The following DCDC2 variants were observed in gnomAD, a reference collection of about 807,000 sequenced individuals.
DCDC2 encodes doublecortin domain-containing protein 2.
Under a neutral mutation model 50.2 loss-of-function variants are expected in DCDC2, and 40 were observed. That is an observed-to-expected ratio of 0.80 (90% confidence interval 0.62 to 1.04). DCDC2 has a LOEUF of 1.04. Among genes scored for constraint, DCDC2 ranks in the 50% least tolerant of loss-of-function variants. DCDC2 has a pLI of 0.00. For missense variants in DCDC2, 570 were observed against 581.9 expected (o/e 0.98, Z 0.21); for synonymous variants, 234 against 210.6 (o/e 1.11, Z -0.96).
chr6:24,373,600 A>G, the DCDC2 span, among the ~76,000 whole-genome samples: 4 of 152,206 alleles, frequency 2.6e-5, no homozygotes, highest in Non-Finnish European at 5.9e-5. Context: ...CATTCAGGAT[A>G]GTGGTGACCC....
chr6:24,377,607 A>T, the DCDC2 span, among the ~76,000 whole-genome samples: 1 of 152,230 alleles, frequency 6.6e-6, no homozygotes, highest in Admixed American at 6.5e-5. Context: ...TTCATCACTT[A>T]AGCTGTATCA....
At chr6:24,371,628 T>A in the DCDC2 span, among the ~76,000 whole-genome samples, 8 of 151,740 alleles carry the variant, frequency 5.3e-5, no homozygotes, top group African/African-American at 1.9e-4. Flanking sequence ...ACAAATGGGA[T>A]CTAATTAAAC....
intron 7 of DCDC2, among the ~76,000 whole-genome samples, chr6:24,223,636 T>C (rs1762163067): frequency 6.6e-6 from 1 of 152,198 alleles, no homozygotes; most frequent in Non-Finnish European, 1.5e-5. Flanking sequence ...AAACAATCCA[T>C]GTAAATTTTT....
At chr6:24,254,058 C>A (rs776986771) in intron 7 of DCDC2, among the ~76,000 whole-genome samples, 16 of 152,156 alleles carry the variant, frequency 1.1e-4, no homozygotes, top group African/African-American at 3.9e-4. Context: ...AATTTTTAAA[C>A]CTTTTCGTTA....
At position 24,180,152 on chromosome 6, in the gene DCDC2, A is replaced by C. The variant is rs1187094047; in HGVS notation, c.1024-1520T>G. Among the ~76,000 whole-genome samples the C allele has an allele frequency of 2.0e-5, 3 of 152,162 alleles. No homozygotes were observed. In the South Asian group the frequency reaches 6.2e-4, roughly 32 times the overall value. ...CATGAAGATTAAAGAAAAGTTATATAAAGTGTCATAGTTTCTGGCACATCA... is the reference window on the plus strand; with the variant it reads ...CATGAAGATTAAAGAAAAGTTATATCAAGTGTCATAGTTTCTGGCACATCA... On this transcript the variant is annotated intron_variant, in intron 8 of 9. Transcript: ENST00000378454.
At chr6:24,199,448 C>G (rs1431741510) in intron 8 of DCDC2, among the ~76,000 whole-genome samples, 1 of 152,180 alleles carries the variant, frequency 6.6e-6, no homozygotes, top group African/African-American at 2.4e-5. Context: ...AACTAACAAA[C>G]AGAAAGGAAT....
At chr6:24,324,139 C>T (rs909201115) in intron 2 of DCDC2, among the ~76,000 whole-genome samples, 2 of 151,380 alleles carry the variant, frequency 1.3e-5, no homozygotes, top group African/African-American at 4.8e-5. Context: ...CTCACTTTCA[C>T]ATCAAAACTG....
At chr6:24,318,780 C>CGT (rs57175093) in intron 2 of DCDC2, among the ~76,000 whole-genome samples, 12,334 of 149,620 alleles carry the variant, frequency 0.082, 752 homozygotes, top group East Asian at 0.34. Flanking sequence ...TATATACGTA[C>CGT]GTGTGTGTGT....
At chr6:24,319,334 A>G (rs547510912) in intron 2 of DCDC2, among the ~76,000 whole-genome samples, 5 of 150,918 alleles carry the variant, frequency 3.3e-5, no homozygotes, top group African/African-American at 1.2e-4. Flanking sequence ...GTAAATTTGG[A>G]TATCAGTCCC....
intron 7 of DCDC2, among the ~76,000 whole-genome samples, chr6:24,218,188 A>G (rs1279923908): frequency 6.6e-6 from 1 of 152,216 alleles, no homozygotes; most frequent in East Asian, 1.9e-4. Context: ...TGAAATATCA[A>G]ATCAATGGGA....
At chr6:24,286,640 C>T (rs1041503982) in intron 6 of DCDC2, among the ~76,000 whole-genome samples, 2 of 151,598 alleles carry the variant, frequency 1.3e-5, no homozygotes, top group Non-Finnish European at 2.9e-5. Flanking sequence ...GTCCTGATGT[C>T]CTTGGCAGGC....
rs1761215381 is a variant in DCDC2 at position 24,186,889 on chromosome 6, G to T, written c.1024-8257C>A. Among the ~76,000 whole-genome samples, 3 of 152,108 alleles carry T rather than the reference G, an allele frequency of 2.0e-5. No homozygotes were observed. In the South Asian group the frequency reaches 6.2e-4, roughly 32 times the overall value. On this transcript the variant is annotated intron_variant, in intron 8 of 9. Transcript: ENST00000378454. ...TGGAGGCAATTTAAGTTAAAATTAG[G>T]TCATGAGGGTGGCCCTAATCCAATC...
intron 8 of DCDC2, among the ~76,000 whole-genome samples, chr6:24,179,938 A>G (rs1183494690): frequency 8.1e-6 from 1 of 124,134 alleles, no homozygotes; most frequent in Non-Finnish European, 1.6e-5. Context: ...TGGGCGACAG[A>G]GCAAGACTCC....
chr6:24,345,521 A>T (rs1024464465), intron 2 of DCDC2, among the ~76,000 whole-genome samples: 1 of 152,158 alleles, frequency 6.6e-6, no homozygotes, highest in Non-Finnish European at 1.5e-5. Context: ...CTAAGAAGAA[A>T]CAAGGTTGAT....
At chr6:24,244,619 C>G (rs886510597) in intron 7 of DCDC2, among the ~76,000 whole-genome samples, 2 of 152,214 alleles carry the variant, frequency 1.3e-5, no homozygotes, top group Admixed American at 6.5e-5. Flanking sequence ...CAGACCTGCT[C>G]TCTGTGCTTT....
At chr6:24,275,918 G>A (rs1237697265) in intron 7 of DCDC2, among the ~76,000 whole-genome samples, 1 of 140,422 alleles carries the variant, frequency 7.1e-6, no homozygotes, top group African/African-American at 2.7e-5. Flanking sequence ...CACCCAGGCT[G>A]GAGTGCAGTG....
chr6:24,240,186 T>C (rs1762534872), intron 7 of DCDC2, among the ~76,000 whole-genome samples: 2 of 152,208 alleles, frequency 1.3e-5, no homozygotes, highest in South Asian at 4.1e-4. Flanking sequence ...AGCTACTGAC[T>C]CTACAATAGG....
intron 6 of DCDC2, among the ~76,000 whole-genome samples, chr6:24,282,090 A>T (rs187952701): frequency 2.0e-5 from 3 of 152,248 alleles, no homozygotes; most frequent in African/African-American, 7.2e-5. Context: ...GTCCTATGCA[A>T]AAACTAGACC....
chr6:24,283,992 G>A (rs185734157), intron 6 of DCDC2, among the ~76,000 whole-genome samples: 2 of 152,266 alleles, frequency 1.3e-5, no homozygotes, highest in Non-Finnish European at 2.9e-5. Context: ...TTTTATTCAT[G>A]TTTATCCCTG....
Sources: allele counts gnomAD v4.1 joint callset (sites outside exome capture counted in the v4.1 genomes callset), GRCh38; gene constraint gnomAD v4.1.1; transcripts MANE v1.5; gene names NCBI Gene and HGNC (gene_info 2026-07-23, HGNC 2026-07-21).